The following PNPLA3 variants were observed in gnomAD, a reference collection of about 807,000 sequenced individuals.
PNPLA3 encodes patatin like domain 3, 1-acylglycerol-3-phosphate O-acyltransferase.
A neutral mutation model predicts 43.1 loss-of-function variants in PNPLA3; 42 were observed. That is an observed-to-expected ratio of 0.97 (90% CI 0.76 to 1.26). The LOEUF (loss-of-function observed/expected upper bound fraction) is 1.26. Ranked by LOEUF, PNPLA3 falls within the 50% of genes most tolerant of loss-of-function variation. The pLI, the probability that PNPLA3 is intolerant of heterozygous loss-of-function variation, is 0.00. For missense variants in PNPLA3, 647 were observed against 621.4 expected (o/e 1.04, Z -0.44); for synonymous variants, 272 against 253.6 (o/e 1.07, Z -0.69).
At chr22:43,939,565 A>C in intron 6 of PNPLA3, 1 of 317,440 alleles carries the variant, frequency 3.2e-6, no homozygotes, top group Non-Finnish European at 4.6e-6. Flanking sequence ...CTGTAATCCT[A>C]GCACTTTGGG....
rs200503449 is a variant in PNPLA3, at chr22:43,946,122, G to A, written c.1218-32G>A. The A allele has an allele frequency of 5.9e-4, 946 of 1,600,336 alleles. 1 individual carries two copies. Among genetic ancestry groups the A allele is most frequent in the Non-Finnish European group, 7.7e-4 (904 of 1,168,240 alleles). On this transcript the variant is annotated intron_variant, in intron 8 of 8. Coordinates refer to ENST00000216180, the MANE Select transcript of PNPLA3 (RefSeq NM_025225.3). Reference sequence around the variant, plus strand: ...ACTGCACACTGCAGCAGCGGGAACGGCCTCTAAGCCAACTTCCTCCATGTG... The same window carrying A: ...ACTGCACACTGCAGCAGCGGGAACGACCTCTAAGCCAACTTCCTCCATGTG...
At position 43,937,055 on chromosome 22, in the gene PNPLA3, C is replaced by G. The variant is rs1412078292; in HGVS notation, c.762C>G (p.Ile254Met). 1.9e-6 allele frequency: 3 copies of G among 1,613,094 alleles called. No homozygotes were observed. Among genetic ancestry groups the G allele is most frequent in the East Asian group, 2.2e-5 (1 of 44,880 alleles). The change falls in exon 6 of 9, where the codon ATC becomes ATG. Residue 254 changes from isoleucine (I) to methionine (M), a missense_variant. Physicochemically the swap from Ile to Met is conservative, Grantham distance 10. Coordinates refer to ENST00000216180, the MANE Select transcript of PNPLA3 (RefSeq NM_025225.3). ...TGTTTTCCGTGCCCTTCACAGGCAT[C>G]TGCAACAGGCCCCAGCCAGGCCTGA... is the stretch of plus-strand genomic sequence containing the variant. ...DAFRFLEEKGICNRPQPGLKS... is the reference protein window; with the variant it reads ...DAFRFLEEKGMCNRPQPGLKS...
chr22:43,934,701 T>C (rs746024935), intron 5 of PNPLA3, 35 bp downstream of exon 5: 1 of 1,571,440 alleles, frequency 6.4e-7, no homozygotes, highest in Non-Finnish European at 8.8e-7. Context: ...CCATGCCCTT[T>C]TGACAAGCAT....
At chr22:43,935,807 T>C (rs2049991872) in intron 5 of PNPLA3, among the ~76,000 whole-genome samples, 1 of 151,990 alleles carries the variant, frequency 6.6e-6, no homozygotes, top group Admixed American at 6.5e-5. Context: ...GATTGCATCC[T>C]GCAGTGGTAG....
At chr22:43,944,213 A>T (rs1025784604) in intron 7 of PNPLA3, among the ~76,000 whole-genome samples, 1 of 151,052 alleles carries the variant, frequency 6.6e-6, no homozygotes, top group African/African-American at 2.4e-5. Flanking sequence ...TGCCGGGGGG[A>T]TGTCTGTGGT....
chr22:43,928,466 G>A (rs1013217537), intron 2 of PNPLA3, among the ~76,000 whole-genome samples: 5 of 152,102 alleles, frequency 3.3e-5, no homozygotes, highest in Admixed American at 1.3e-4. Flanking sequence ...CAGGCTCTCC[G>A]GTGATGCTAA....
At chr22:43,930,116 G>A (rs12483959) in intron 3 of PNPLA3, among the ~76,000 whole-genome samples, 27,986 of 152,088 alleles carry the variant, frequency 0.18, 3,159 homozygotes, top group East Asian at 0.39. Context: ...AGAGGGACTC[G>A]CATTAGGAGC....
At chr22:43,944,484 T>A (rs1447457810) in intron 7 of PNPLA3, among the ~76,000 whole-genome samples, 1 of 152,008 alleles carries the variant, frequency 6.6e-6, no homozygotes, top group African/African-American at 2.4e-5. Flanking sequence ...TCAGTGTAAG[T>A]CCCTTGAGCT....
intron 5 of PNPLA3, 29 bp downstream of exon 5, chr22:43,934,695 GC>G: frequency 6.3e-7 from 1 of 1,585,902 alleles, no homozygotes; most frequent in Non-Finnish European, 8.7e-7. Context: ...GATCAGCCAT[GC>G]CCTTTTGACA....
At chr22:43,926,664 C>T (rs923799430) in intron 1 of PNPLA3, among the ~76,000 whole-genome samples, 1 of 151,892 alleles carries the variant, frequency 6.6e-6, no homozygotes, top group Admixed American at 6.5e-5. Context: ...CCAATATATC[C>T]AAAATAATAT....
At chr22:43,928,121 G>A (rs575650747) in intron 2 of PNPLA3, among the ~76,000 whole-genome samples, 44 of 152,308 alleles carry the variant, frequency 2.9e-4, no homozygotes, top group Non-Finnish European at 5.4e-4. Context: ...TTTCATAAGC[G>A]CTCCTTGGAG....
chr22:43,944,859 C>T (rs1157864425), intron 8 of PNPLA3, 64 bp downstream of exon 8: 27 of 1,354,124 alleles, frequency 2.0e-5, no homozygotes, highest in Non-Finnish European at 2.5e-5. Flanking sequence ...TGAGGCCTCA[C>T]ACGACATTCT....
chr22:43,939,555 C>T (rs914177269), intron 6 of PNPLA3: 2 of 374,130 alleles, frequency 5.3e-6, no homozygotes, highest in Non-Finnish European at 7.4e-6. Context: ...TGGCTTACAC[C>T]TGTAATCCTA....
At chr22:43,929,185 T>C (rs1036916903) in intron 3 of PNPLA3, among the ~76,000 whole-genome samples, 2 of 152,112 alleles carry the variant, frequency 1.3e-5, no homozygotes, top group African/African-American at 2.4e-5. Context: ...AGTTAAACTA[T>C]ATGATGTTGG....
intron 7 of PNPLA3, 148 bp from the exon 8 acceptor site, chr22:43,944,543 C>T (rs2050050921): frequency 3.1e-6 from 2 of 648,414 alleles, no homozygotes; most frequent in Non-Finnish European, 5.5e-6. Context: ...TTCAGGTGGG[C>T]TTGTCCTTGT....
At position 43,923,887 on chromosome 22, in the gene PNPLA3, GCGCCCC is replaced by G; in HGVS notation, c.-18_-13del. On this transcript the variant is annotated 5_prime_UTR_variant, in exon 1 of 9. Transcript: ENST00000216180. ...CCGATCCCGACCCAGATCCTAACCC[GCGCCCC>G]CGCCCCGCCGCCGCCGCCATGTACG... The G allele has an allele frequency of 2.7e-6, 4 of 1,484,828 alleles. No individual in the cohort carries two copies. The highest frequency in any genetic ancestry group is 3.6e-6 in the Non-Finnish European group (4 of 1,123,900). The allele number at this position is 1,484,828 out of a possible 1,614,324, so 92.0% of individuals were successfully genotyped here. A position where few individuals can be genotyped will look rare whatever the true frequency, so the allele number is the denominator to read the frequency against.
rs2050067603 is a variant in PNPLA3 at position 43,946,917 on chromosome 22, G to A, written c.*535G>A. ...AACGTCTCCATGGCGGGGGTAACAA[G>A]ATGATAATCTACTTAATTTTAGAAC... On this transcript the variant is annotated 3_prime_UTR_variant, in exon 9 of 9. Coordinates refer to ENST00000216180, the MANE Select transcript of PNPLA3 (RefSeq NM_025225.3). 3.1e-6 allele frequency: 1 copy of A among 324,884 alleles called. No individual in the cohort carries two copies. The highest frequency in any genetic ancestry group is 6.1e-6 in the Non-Finnish European group (1 of 165,190). The allele number at this position is 324,884 out of a possible 1,614,324, so 20.1% of individuals were successfully genotyped here.
At chr22:43,927,381 A>G (rs987364949) in intron 2 of PNPLA3, among the ~76,000 whole-genome samples, 3 of 152,014 alleles carry the variant, frequency 2.0e-5, no homozygotes, top group Non-Finnish European at 2.9e-5. Flanking sequence ...AGTCCCAGCT[A>G]CTAGGGAGGC....
At position 43,930,680 on chromosome 22, in the gene PNPLA3, A is replaced by C. The variant is rs148699386; in HGVS notation, c.486+1791A>C. On this transcript the variant is annotated intron_variant, in intron 3 of 8. Transcript: ENST00000216180. ...TGCTGGCAGTGTTCAGATTTGGCTG[A>C]GTTCAGTGAATATGTGCATTGGCTG... Among the ~76,000 whole-genome samples the C allele has an allele frequency of 5.2e-3, 787 of 152,242 alleles. 11 individuals are homozygous for C. Among genetic ancestry groups the C allele is most frequent in the African/African-American group, 0.018 (751 of 41,558 alleles).
Sources: allele counts gnomAD v4.1 joint callset (sites outside exome capture counted in the v4.1 genomes callset), GRCh38; gene constraint gnomAD v4.1.1; transcripts MANE v1.5; gene names NCBI Gene and HGNC (gene_info 2026-07-23, HGNC 2026-07-21).